Variants in TMEM135 observed in about 807,000 individuals in gnomAD.
TMEM135 encodes the protein peroxisomal membrane protein 52.
Under a neutral mutation model 60.3 loss-of-function variants are expected in TMEM135, and 30 were observed. The ratio of observed to expected loss-of-function variants is 0.50; its 90% CI spans 0.37 to 0.68. The LOEUF (loss-of-function observed/expected upper bound fraction) is 0.68. Ranked by LOEUF, TMEM135 falls within the 30% of genes least tolerant of loss-of-function variation. TMEM135 has a pLI of 0.00. For missense variants in TMEM135, 468 were observed against 548.8 expected, an observed-to-expected ratio of 0.85 and a Z score of 1.47; for synonymous variants, 190 against 186.7, an observed-to-expected ratio of 1.02 and a Z score of -0.14.
At chr11:87,299,765 A>G (rs1365261660) in intron 7 of TMEM135, among the ~76,000 whole-genome samples, 1 of 152,206 alleles carries the variant, frequency 6.6e-6, no homozygotes, top group Non-Finnish European at 1.5e-5. Context: ...TCTCAGGAAT[A>G]TATTTTAGGC....
chr11:87,249,104 C>G (rs909251870), intron 6 of TMEM135, among the ~76,000 whole-genome samples: 5 of 152,150 alleles, frequency 3.3e-5, no homozygotes, highest in African/African-American at 1.2e-4. Context: ...TCTGATTGCT[C>G]TAGCTAGGAC....
chr11:87,236,616 A>T, intron 5 of TMEM135, 22 bp from the exon 6 acceptor site: 2 of 1,609,262 alleles, frequency 1.2e-6, no homozygotes, highest in South Asian at 1.1e-5. Context: ...TTTGCAAGTA[A>T]TATATTTTCT....
At chr11:87,292,448 C>T (rs565571676) in intron 6 of TMEM135, among the ~76,000 whole-genome samples, 13 of 152,230 alleles carry the variant, frequency 8.5e-5, no homozygotes, top group Non-Finnish European at 1.5e-4. Context: ...AGCCTTAATA[C>T]TTAAATGGAG....
At chr11:87,168,213 A>C (rs1939121826) in intron 5 of TMEM135, among the ~76,000 whole-genome samples, 1 of 151,838 alleles carries the variant, frequency 6.6e-6, no homozygotes, top group Non-Finnish European at 1.5e-5. Context: ...GTTCTTTATT[A>C]GTCTGGCTCT....
chr11:87,191,359 G>A (rs1288404224), intron 5 of TMEM135, among the ~76,000 whole-genome samples: 1 of 151,912 alleles, frequency 6.6e-6, no homozygotes, highest in East Asian at 1.9e-4. Context: ...TCCTGCCTCA[G>A]CCTCCTGAGA....
At chr11:87,116,953 G>T (rs1188111675) in intron 4 of TMEM135, among the ~76,000 whole-genome samples, 2 of 151,934 alleles carry the variant, frequency 1.3e-5, no homozygotes, top group Admixed American at 6.6e-5. Context: ...CTCCTGAGTA[G>T]CTGGGATTAC....
intron 1 of TMEM135, among the ~76,000 whole-genome samples, chr11:87,045,372 T>C (rs1481159132): frequency 6.6e-6 from 1 of 152,136 alleles, no homozygotes; most frequent in African/African-American, 2.4e-5. Flanking sequence ...CTTTGGCTGC[T>C]CTCTGTTGAG....
chr11:87,274,936 T>C (rs975703651), intron 6 of TMEM135, among the ~76,000 whole-genome samples: 10 of 151,114 alleles, frequency 6.6e-5, no homozygotes, highest in African/African-American at 2.4e-4. Flanking sequence ...GAACTCTTTT[T>C]TCCCCCTAAG....
In TMEM135 at chr11:87,295,724, A is replaced by G. The variant is rs367988024; in HGVS notation, c.510-58A>G. ...AACATTATTTTCAGAAAAAAATTGA[A>G]TAGGTACTTGTATCTCAAAATATGT... On this transcript the variant is annotated intron_variant, in intron 6 of 14. Transcript: ENST00000305494. 5.0e-6 allele frequency: 7 copies of G among 1,407,586 alleles called. No homozygotes were observed. The South Asian group carries it at 5.1e-5, about 10-fold the overall frequency. The allele number at this position is 1,407,586 out of a possible 1,614,324, so 87.2% of individuals were successfully genotyped here. A position where few individuals can be genotyped will look rare whatever the true frequency, so the allele number is the denominator to read the frequency against.
At chr11:87,258,918 A>G in intron 6 of TMEM135, 1 of 1,323,734 alleles carries the variant, frequency 7.6e-7, no homozygotes, top group East Asian at 2.3e-5. Context: ...TAGGCCCTAG[A>G]AGTATCTGCT....
intron 5 of TMEM135, among the ~76,000 whole-genome samples, chr11:87,161,333 A>G (rs1015648328): frequency 7.2e-5 from 11 of 152,224 alleles, no homozygotes; most frequent in Admixed American, 5.2e-4. Flanking sequence ...GTATTTTTCT[A>G]TTTCTGACAG....
intron 1 of TMEM135, among the ~76,000 whole-genome samples, chr11:87,062,837 T>C (rs1368341815): frequency 6.6e-6 from 1 of 152,218 alleles, no homozygotes; most frequent in Non-Finnish European, 1.5e-5. Context: ...TTAACCTCTT[T>C]ATTTAGTAAA....
chr11:87,076,664 A>G (rs539581112), intron 3 of TMEM135, among the ~76,000 whole-genome samples: 36 of 152,330 alleles, frequency 2.4e-4, no homozygotes, highest in Non-Finnish European at 4.9e-4. Flanking sequence ...TGTAGTGGGC[A>G]TGTCTCAGAG....
At chr11:87,180,201 G>A (rs116802603) in intron 5 of TMEM135, among the ~76,000 whole-genome samples, 76 of 152,114 alleles carry the variant, frequency 5.0e-4, no homozygotes, top group African/African-American at 1.7e-3. Context: ...TCATGAGGCC[G>A]TTCCCCTGCA....
At chr11:87,194,259 T>TTG in intron 5 of TMEM135, among the ~76,000 whole-genome samples, 1 of 152,316 alleles carries the variant, frequency 6.6e-6, no homozygotes, top group Non-Finnish European at 1.5e-5. Context: ...TTCTTGCACG[T>TTG]ATTCTTAAAA....
chr11:87,139,313 A>G (rs1938199693), intron 4 of TMEM135, among the ~76,000 whole-genome samples: 1 of 152,176 alleles, frequency 6.6e-6, no homozygotes, highest in South Asian at 2.1e-4. Context: ...TTTATATTTA[A>G]TGAACTTCAT....
intron 4 of TMEM135, among the ~76,000 whole-genome samples, chr11:87,137,548 C>T (rs986517194): frequency 6.6e-6 from 1 of 152,148 alleles, no homozygotes; most frequent in Non-Finnish European, 1.5e-5. Flanking sequence ...ATTAAACAGA[C>T]TCTCAATTAT....
At chr11:87,253,697 A>C (rs923412462) in intron 6 of TMEM135, among the ~76,000 whole-genome samples, 26 of 138,962 alleles carry the variant, frequency 1.9e-4, no homozygotes, top group Admixed American at 4.7e-4. Flanking sequence ...ATATATATAT[A>C]TCCTGGTGTA....
chr11:87,171,584 CTGAGACCT>C (rs373345801), intron 5 of TMEM135, among the ~76,000 whole-genome samples: 2 of 152,150 alleles, frequency 1.3e-5, no homozygotes, highest in African/African-American at 4.8e-5. Context: ...ACTTTACTAG[CTGAGACCT>C]TGGACAGTTT....
Sources: allele counts gnomAD v4.1 joint callset (sites outside exome capture counted in the v4.1 genomes callset), GRCh38; gene constraint gnomAD v4.1.1; transcripts MANE v1.5; gene names NCBI Gene and HGNC (gene_info 2026-07-23, HGNC 2026-07-21).